Variants in GPR158 observed in about 807,000 individuals in gnomAD.
GPR158 encodes G protein-coupled receptor 158, also known as metabotropic glycine receptor.
A neutral mutation model predicts 78.2 loss-of-function variants in GPR158; 30 were observed. The ratio of observed to expected loss-of-function variants is 0.38; its 90% CI spans 0.29 to 0.52. The LOEUF (loss-of-function observed/expected upper bound fraction) is 0.52, where lower values mean the gene tolerates loss of function less well. Ranked by LOEUF, GPR158 falls within the 20% of genes least tolerant of loss-of-function variation. The pLI, the probability that GPR158 is intolerant of heterozygous loss-of-function variation, is 0.83. For synonymous variants in GPR158, 581 were observed against 591.1 expected (o/e 0.98, Z 0.25); for missense variants, 1,463 against 1,523.5 (o/e 0.96, Z 0.66).
intron 2 of GPR158, among the ~76,000 whole-genome samples, chr10:25,325,210 TGAG>T (rs1564422725): frequency 1.3e-5 from 2 of 152,050 alleles, no homozygotes; most frequent in Non-Finnish European, 2.9e-5. Flanking sequence ...ATGGAAGAGA[TGAG>T]GAGAAAGGGA....
intron 5 of GPR158, among the ~76,000 whole-genome samples, chr10:25,539,573 A>G (rs927438150): frequency 7.0e-6 from 1 of 143,616 alleles, no homozygotes; most frequent in Non-Finnish European, 1.5e-5. Flanking sequence ...AATTTTGGAG[A>G]GGATGTATTG....
chr10:25,350,346 T>C (rs920343584), intron 2 of GPR158, among the ~76,000 whole-genome samples: 2 of 152,062 alleles, frequency 1.3e-5, no homozygotes, highest in Non-Finnish European at 2.9e-5. Flanking sequence ...AAGAGGACTA[T>C]TGCAGAAATG....
At chr10:25,285,998 A>G (rs1854346579) in intron 2 of GPR158, among the ~76,000 whole-genome samples, 1 of 152,152 alleles carries the variant, frequency 6.6e-6, no homozygotes, top group Non-Finnish European at 1.5e-5. Context: ...AGTCTACTGT[A>G]ATTCTTATCA....
At chr10:25,235,848 C>T (rs1853515137) in intron 2 of GPR158, among the ~76,000 whole-genome samples, 3 of 151,926 alleles carry the variant, frequency 2.0e-5, no homozygotes, top group South Asian at 2.1e-4. Context: ...AGGTGCCTGC[C>T]ACCATGCCCG....
chr10:25,275,845 A>AT (rs1248410208), intron 2 of GPR158, among the ~76,000 whole-genome samples: 1 of 152,144 alleles, frequency 6.6e-6, no homozygotes, highest in African/African-American at 2.4e-5. Flanking sequence ...CATACTCCTA[A>AT]TTATTGAAGG....
At chr10:25,371,482 A>G (rs1833992359) in intron 2 of GPR158, among the ~76,000 whole-genome samples, 1 of 151,732 alleles carries the variant, frequency 6.6e-6, no homozygotes, top group Admixed American at 6.6e-5. Context: ...TAACCAAAAC[A>G]GCATGGTACT....
chr10:25,588,597 G>T (rs1347333047), intron 7 of GPR158, among the ~76,000 whole-genome samples: 1 of 152,214 alleles, frequency 6.6e-6, no homozygotes, highest in Non-Finnish European at 1.5e-5. Context: ...TCTAGAAGCT[G>T]CATATAAACA....
chr10:25,289,515 C>G (rs1426084212), intron 2 of GPR158, among the ~76,000 whole-genome samples: 2 of 152,104 alleles, frequency 1.3e-5, no homozygotes, highest in Non-Finnish European at 2.9e-5. Flanking sequence ...TCACTACAAG[C>G]TCTGCCTCCT....
Position 25,293,979 on chromosome 10 carries a change from T to C in GPR158, c.1008+72822T>C, listed in dbSNP as rs567969393. Reference sequence around the variant, plus strand: ...CCAGGCTGGTCTTGAACTCCTGACCTCGTGATTCACCTGCCTCAGCCTCCC... The same window carrying C: ...CCAGGCTGGTCTTGAACTCCTGACCCCGTGATTCACCTGCCTCAGCCTCCC... On this transcript the variant is annotated intron_variant, in intron 2 of 10. Coordinates refer to ENST00000376351, the MANE Select transcript of GPR158 (RefSeq NM_020752.3). Among the ~76,000 whole-genome samples, 15 of 152,250 alleles carry C rather than the reference T, an allele frequency of 9.9e-5. No individual in the cohort carries two copies. In the East Asian group the frequency reaches 2.7e-3, roughly 27 times the overall value.
intron 5 of GPR158, among the ~76,000 whole-genome samples, chr10:25,506,904 G>A (rs966934755): frequency 4.6e-5 from 7 of 152,002 alleles, no homozygotes; most frequent in South Asian, 2.1e-4. Context: ...ATTATTTGAG[G>A]GTCAACCTCA....
At chr10:25,333,514 C>T (rs551488381) in intron 2 of GPR158, among the ~76,000 whole-genome samples, 1 of 152,226 alleles carries the variant, frequency 6.6e-6, no homozygotes, top group South Asian at 2.1e-4. Flanking sequence ...CATTTGGCTA[C>T]AGGTGATGTT....
chr10:25,563,388 T>TA (rs1268700443), intron 6 of GPR158, among the ~76,000 whole-genome samples: 5 of 152,220 alleles, frequency 3.3e-5, no homozygotes, highest in African/African-American at 1.2e-4. Flanking sequence ...GATCATCTTT[T>TA]AAAAAATCTC....
intron 4 of GPR158, among the ~76,000 whole-genome samples, chr10:25,420,661 A>G (rs991460540): frequency 6.6e-6 from 1 of 152,224 alleles, no homozygotes; most frequent in African/African-American, 2.4e-5. Context: ...ATCAGAATCC[A>G]ACTTCATTCT....
chr10:25,285,929 T>C (rs1188186895), intron 2 of GPR158, among the ~76,000 whole-genome samples: 1 of 152,236 alleles, frequency 6.6e-6, no homozygotes, highest in Non-Finnish European at 1.5e-5. Flanking sequence ...TTTCCTTTTC[T>C]TTCAGCACTT....
Position 25,402,049 on chromosome 10 carries a change from G to A in GPR158, c.1111+6036G>A, listed in dbSNP as rs1321055054. ...GTAACCTGCAGTGAACAGACTGGTG[G>A]CACACCACCTTCCCAAGTAATTAAT... is the stretch of plus-strand genomic sequence containing the variant. On this transcript the variant is annotated intron_variant, in intron 3 of 10. Coordinates refer to ENST00000376351, the MANE Select transcript of GPR158 (RefSeq NM_020752.3). Among the ~76,000 whole-genome samples, 4 of 152,036 alleles carry A rather than the reference G, an allele frequency of 2.6e-5. No homozygotes were observed. In the East Asian group the frequency reaches 7.7e-4, roughly 29 times the overall value.
chr10:25,309,702 G>A (rs1416325334), intron 2 of GPR158, among the ~76,000 whole-genome samples: 1 of 152,086 alleles, frequency 6.6e-6, no homozygotes, highest in African/African-American at 2.4e-5. Flanking sequence ...TCATGGGGGT[G>A]GGTCTTTCCT....
chr10:25,469,159 G>A (rs191639021), intron 5 of GPR158, among the ~76,000 whole-genome samples: 1 of 152,130 alleles, frequency 6.6e-6, no homozygotes, highest in Non-Finnish European at 1.5e-5. Context: ...CTGAGTTCTT[G>A]TAGCTTTTCT....
chr10:25,433,570 T>TGTGTGTGTGTGTGC lies in GPR158; in HGVS notation c.1335+21098_1335+21099insTGTGTGTGTGTGCG, dbSNP rs1554803626. Among the ~76,000 whole-genome samples the TGTGTGTGTGTGTGC allele has an allele frequency of 8.9e-3, 1,148 of 128,584 alleles. 13 individuals are homozygous for TGTGTGTGTGTGTGC. The highest frequency in any genetic ancestry group is 0.015 in the Non-Finnish European group (903 of 59,472). The allele number at this position is 128,584 out of a possible 152,430, so 84.4% of individuals were successfully genotyped here. A position where few individuals can be genotyped will look rare whatever the true frequency, so the allele number is the denominator to read the frequency against. On this transcript the variant is annotated intron_variant, in intron 4 of 10. Transcript: ENST00000376351. ...TGTTGTGTGTGTGTGTGTGTGTGTG[T>TGTGTGTGTGTGTGC]GCGCGCGCGCGTGCGCGTGCGCATA... is the stretch of plus-strand genomic sequence containing the variant.
chr10:25,261,442 AT>A (rs946737239), intron 2 of GPR158, among the ~76,000 whole-genome samples: 1 of 151,892 alleles, frequency 6.6e-6, no homozygotes, highest in Non-Finnish European at 1.5e-5. Context: ...GCTTGTTTTT[AT>A]TTTTTTTACA....
Sources: gnomAD v4.1 joint callset for allele counts (sites outside exome capture counted in the v4.1 genomes callset) on GRCh38, gnomAD v4.1.1 for gene constraint, MANE v1.5 for transcripts, NCBI Gene and HGNC (gene_info 2026-07-23, HGNC 2026-07-21) for gene names.